TYMS: variants seen among roughly 807,000 people sequenced by gnomAD.
TYMS encodes thymidylate synthase.
A neutral mutation model predicts 39.3 loss-of-function variants in TYMS; 21 were observed. That is an observed-to-expected ratio of 0.54 (90% CI 0.38 to 0.77). The LOEUF (loss-of-function observed/expected upper bound fraction) is 0.77, where lower values mean the gene tolerates loss of function less well. Among genes scored for constraint, TYMS ranks in the 30% least tolerant of loss-of-function variants. The pLI is 0.00. For synonymous variants in TYMS, 171 were observed against 162.2 expected (o/e 1.05, Z -0.41); for missense variants, 273 against 406.7 (o/e 0.67, Z 2.83).
chr18:671,843 G>A (rs764328867), intron 6 of TYMS: 12 of 205,144 alleles, frequency 5.8e-5, no homozygotes, highest in African/African-American at 1.2e-4. Context: ...GCCGTGGTGC[G>A]ATCTCAGCTC....
chr18:670,946 C>T (rs1330012461), intron 5 of TYMS, 79 bp downstream of exon 5: 1 of 1,503,946 alleles, frequency 6.6e-7, no homozygotes. Context: ...AAACAAATTG[C>T]AGAGTTTAGT....
rs140212927 is a variant in TYMS at position 666,891 on chromosome 18, A to AGATGGTGATGGTGATGGAGATGGT, written c.455-2170_455-2169insTGATGGAGATGGTGATGGTGATGG. Among the ~76,000 whole-genome samples, 26 of 62,126 alleles carry AGATGGTGATGGTGATGGAGATGGT rather than the reference A, an allele frequency of 4.2e-4. 3 individuals are homozygous for AGATGGTGATGGTGATGGAGATGGT. Among genetic ancestry groups the AGATGGTGATGGTGATGGAGATGGT allele is most frequent in the Non-Finnish European group, 6.3e-4 (21 of 33,570 alleles). 40.8% of individuals were successfully genotyped at this position (62,126 alleles called of 152,430 possible). A position where few individuals can be genotyped will look rare whatever the true frequency, so the allele number is the denominator to read the frequency against. ...GTTAGGGATGACGAAAAAGTTCGGG[A>AGATGGTGATGGTGATGGAGATGGT]GATGGTGATGGAGATGGTGATGGTG... On this transcript the variant is annotated intron_variant, in intron 3 of 6. Coordinates refer to ENST00000323274, the MANE Select transcript of TYMS (RefSeq NM_001071.4).
rs182344736 is a variant in TYMS, at chr18:658,147, C to A, written c.205+200C>A. On this transcript the variant is annotated intron_variant, in intron 1 of 6. Coordinates refer to ENST00000323274, the MANE Select transcript of TYMS (RefSeq NM_001071.4). The surrounding 1 kb of genome is among the most constrained non-coding windows in gnomAD (Gnocchi z 4.5). ...AGGGACGTGACTGGCGCGGGCAACA[C>A]ACACAGCAGCGACAGCCGGGAGGTA... 15,741 of 1,583,902 alleles carry A rather than the reference C, an allele frequency of 9.9e-3. 92 individuals carry two copies. The highest frequency in any genetic ancestry group is 0.013 in the Middle Eastern group (76 of 6,012).
At chr18:666,960 TGGAGATGGTGATGGA>T (rs1567989628) in intron 3 of TYMS, among the ~76,000 whole-genome samples, 15 of 22,604 alleles carry the variant, frequency 6.6e-4, no homozygotes, top group Non-Finnish European at 9.2e-4. Context: ...GTGATGGAGA[TGGAGATGGTGATGGA>T]GATGGAGATG....
chr18:666,361 G>A (rs1286610297), intron 3 of TYMS, among the ~76,000 whole-genome samples: 4 of 152,080 alleles, frequency 2.6e-5, no homozygotes, highest in Admixed American at 6.5e-5. Context: ...GCGCTGCTGT[G>A]AAGCGCAGTG....
intron 4 of TYMS, 40 bp downstream of exon 4, chr18:669,213 C>T (rs2074929716): frequency 3.2e-6 from 5 of 1,565,286 alleles, no homozygotes; most frequent in Non-Finnish European, 4.4e-6. Context: ...ACTAACCATA[C>T]TCTTAGAGGG....
rs781495898 is a variant in TYMS, at chr18:657,812, C to T, written c.70C>T (p.Pro24Ser). Residue 24 changes from proline to serine, a missense_variant, in exon 1 of 7, where the codon CCG becomes TCG. Around this residue, in one of 3 missense-constraint regions of TYMS, gnomAD observed 228 missense variants for 326.1 expected, o/e 0.70. Transcript: ENST00000323274. ...PPAAQERDAE[P>S]RPPHGELQYL... is the part of the protein sequence containing the mutation. ...CGCCGCACAGGAGCGGGACGCCGAG[C>T]CGCGTCCGCCGCACGGGGAGCTGCA... The T allele has an allele frequency of 2.7e-6, 4 of 1,463,018 alleles. No individual in the cohort carries two copies. The highest frequency in any genetic ancestry group is 5.5e-5 in the Admixed American group (2 of 36,044). 90.6% of individuals were successfully genotyped at this position (1,463,018 alleles called of 1,614,324 possible).
At position 665,787 on chromosome 18, in the gene TYMS, C is replaced by A. The variant is rs201925022; in HGVS notation, c.455-3285C>A. 3.8e-4 allele frequency among the ~76,000 whole-genome samples: 36 copies of A among 94,868 alleles called. 10 individuals are homozygous for A. Among genetic ancestry groups the A allele is most frequent in the East Asian group, 1.2e-3 (3 of 2,436 alleles). The allele number at this position is 94,868 out of a possible 152,430, so 62.2% of individuals were successfully genotyped here. Reference sequence around the variant, plus strand: ...TTCGTTATGTACCCAGTAGTCATTCCGGAGCAGGTTGTTCAGTTTCCATGT... The same window carrying A: ...TTCGTTATGTACCCAGTAGTCATTCAGGAGCAGGTTGTTCAGTTTCCATGT... On this transcript the variant is annotated intron_variant, in intron 3 of 6. Coordinates refer to ENST00000323274, the MANE Select transcript of TYMS (RefSeq NM_001071.4).
chr18:671,070 C>A, intron 5 of TYMS: 1 of 643,956 alleles, frequency 1.6e-6, no homozygotes, highest in East Asian at 2.8e-5. Context: ...ACTAACAGAT[C>A]TATACAGGTT....
chr18:670,680 CTGGTTCCTCAGATCTTCCTCTGA>C lies in TYMS; in HGVS notation c.557-8_571del. 6.2e-7 allele frequency: 1 copy of C among 1,613,264 alleles called. No individual in the cohort carries two copies. Among genetic ancestry groups the C allele is most frequent in the Non-Finnish European group, 8.5e-7 (1 of 1,179,434 alleles). On this transcript the variant is annotated splice_acceptor_variant and splice_polypyrimidine_tract_variant and coding_sequence_variant and intron_variant, in exon 5 of 7. Transcript: ENST00000323274. LOFTEE classifies it high-confidence loss of function. ...CACCATCCCTCCTTATCTTCCTCTG[CTGGTTCCTCAGATCTTCCTCTGA>C]TGGCGCTGCCTCCATGCCATGCCCT... is the stretch of plus-strand genomic sequence containing the variant.
chr18:672,798 T>C lies in TYMS; in HGVS notation c.805-62T>C. The C allele has an allele frequency of 4.7e-6, 7 of 1,501,528 alleles. No individual in the cohort carries two copies. In the South Asian group the frequency reaches 8.0e-5, roughly 17 times the overall value. The allele number at this position is 1,501,528 out of a possible 1,614,324, so 93.0% of individuals were successfully genotyped here. On this transcript the variant is annotated intron_variant, in intron 6 of 6. Transcript: ENST00000323274. ...ATCCTGTGTACTTGTTTCACGGACATGAGGAGCAATTACAACAGGTCGTAC... is the reference window on the plus strand; with the variant it reads ...ATCCTGTGTACTTGTTTCACGGACACGAGGAGCAATTACAACAGGTCGTAC...
rs2144252644 is a variant in TYMS at position 658,142 on chromosome 18, C to T, written c.205+195C>T. On this transcript the variant is annotated intron_variant, in intron 1 of 6. Transcript: ENST00000323274. The surrounding 1 kb of genome is among the most constrained non-coding windows in gnomAD (Gnocchi z 4.5). ...CCATTAGGGACGTGACTGGCGCGGGCAACACACACAGCAGCGACAGCCGGG... is the reference window on the plus strand; with the variant it reads ...CCATTAGGGACGTGACTGGCGCGGGTAACACACACAGCAGCGACAGCCGGG... The T allele has an allele frequency of 6.3e-7, 1 of 1,584,032 alleles. No individual in the cohort carries two copies. Among genetic ancestry groups the T allele is most frequent in the South Asian group, 1.1e-5 (1 of 87,558 alleles).
intron 5 of TYMS, 143 bp from the exon 6 acceptor site, chr18:671,237 G>A (rs1253959266): frequency 3.0e-6 from 2 of 675,810 alleles, no homozygotes; most frequent in Non-Finnish European, 2.6e-6. Context: ...ACAAGATGCT[G>A]TTGCTACAAA....
Position 673,229 on chromosome 18 carries a change from G to GT in TYMS, c.*234dup. On this transcript the variant is annotated 3_prime_UTR_variant, in exon 7 of 7. Transcript: ENST00000323274. The stretch of plus-strand genomic sequence containing the variant: ...ACTGAGGGTATCTGACAATGCTGAG[G>GT]TTATGAACAAAGTGAGGAGAATGAA... 2.7e-6 allele frequency: 1 copy of GT among 373,208 alleles called. No individual in the cohort carries two copies. Among genetic ancestry groups the GT allele is most frequent in the Non-Finnish European group, 4.8e-6 (1 of 209,034 alleles). 23.1% of individuals were successfully genotyped at this position (373,208 alleles called of 1,614,324 possible). A position where few individuals can be genotyped will look rare whatever the true frequency, so the allele number is the denominator to read the frequency against.
At chr18:670,045 A>C (rs973604611) in intron 4 of TYMS, among the ~76,000 whole-genome samples, 1 of 138,572 alleles carries the variant, frequency 7.2e-6, no homozygotes, top group South Asian at 2.3e-4. Context: ...ATAGAGACTT[A>C]TTTTTTTTTT....
rs2074700450 is a variant in TYMS at position 657,700 on chromosome 18, C to T, written c.-43C>T. The T allele has an allele frequency of 7.7e-7, 1 of 1,294,496 alleles. No individual in the cohort carries two copies. The highest frequency in any genetic ancestry group is 9.8e-7 in the Non-Finnish European group (1 of 1,018,864). 80.2% of individuals were successfully genotyped at this position (1,294,496 alleles called of 1,614,324 possible). A position where few individuals can be genotyped will look rare whatever the true frequency, so the allele number is the denominator to read the frequency against. On this transcript the variant is annotated 5_prime_UTR_variant, in exon 1 of 7. Transcript: ENST00000323274. ...CGCGCCACTTGGCCTGCCTCCGTCC[C>T]GCCGCGCCACTTCGCCTGCCTCCGT...
intron 3 of TYMS, among the ~76,000 whole-genome samples, chr18:664,788 GT>G (rs2144279984): frequency 1.3e-5 from 2 of 150,286 alleles, no homozygotes; most frequent in South Asian, 4.3e-4. Context: ...TGTGGTTTTT[GT>G]CTTTGGATCT....
intron 2 of TYMS, 54 bp downstream of exon 2, chr18:659,768 A>C: frequency 6.8e-7 from 1 of 1,473,670 alleles, no homozygotes; most frequent in South Asian, 1.1e-5. Flanking sequence ...CACAGCAGCC[A>C]GTGAGATCCT....
chr18:658,619 A>G lies in TYMS; in HGVS notation c.205+672A>G, dbSNP rs1598461885. The G allele has an allele frequency of 7.2e-5, 12 of 167,756 alleles. No homozygotes were observed. The highest frequency in any genetic ancestry group is 1.0e-4 in the Non-Finnish European group (9 of 90,390). The allele number at this position is 167,756 out of a possible 1,614,324, so 10.4% of individuals were successfully genotyped here. On this transcript the variant is annotated intron_variant, in intron 1 of 6. Transcript: ENST00000323274. The surrounding 1 kb of genome is among the most constrained non-coding windows in gnomAD (Gnocchi z 4.5). Reference sequence around the variant, plus strand: ...AAATGTCTCGCGGGTCATTGGCGCCAGGCTTTCAGGGGACAGTGGGGCGGG... The same window carrying G: ...AAATGTCTCGCGGGTCATTGGCGCCGGGCTTTCAGGGGACAGTGGGGCGGG...
Sources: gnomAD v4.1 joint callset for allele counts (sites outside exome capture counted in the v4.1 genomes callset) on GRCh38, gnomAD v4.1.1 for gene constraint, gnomAD v4.1.1 regional missense constraint, Gnocchi (gnomAD v3.1) non-coding constraint, MANE v1.5 for transcripts, NCBI Gene and HGNC (gene_info 2026-07-23, HGNC 2026-07-21) for gene names.